Variants in WDR87 observed in about 807,000 individuals in gnomAD.
WDR87 encodes the protein WD repeat-containing protein 87.
Under a neutral mutation model 83.3 loss-of-function variants are expected in WDR87, and 56 were observed. The ratio of observed to expected loss-of-function variants is 0.67; its 90% CI spans 0.54 to 0.84. The LOEUF (loss-of-function observed/expected upper bound fraction) is 0.84. Ranked by LOEUF, WDR87 falls within the 40% of genes least tolerant of loss-of-function variation. WDR87 has a pLI of 0.00. For missense variants in WDR87, 2,939 were observed against 3,431.9 expected (o/e 0.86, Z 3.59); for synonymous variants, 1,173 against 1,250.6 (o/e 0.94, Z 1.31).
Position 37,894,856 on chromosome 19 carries a change from G to T in WDR87, c.847C>A (p.Gln283Lys). 1 of 1,551,732 alleles carries T rather than the reference G, an allele frequency of 6.4e-7. No individual in the cohort carries two copies. Among genetic ancestry groups the T allele is most frequent in the Non-Finnish European group, 8.7e-7 (1 of 1,146,988 alleles). The change falls in exon 4 of 6, where the codon CAA (glutamine) becomes AAA (lysine). Residue 283 changes from glutamine (Q) to lysine (K), a missense_variant. Physicochemically the swap from Gln to Lys is moderately conservative, Grantham distance 53 (BLOSUM62 1). This residue lies in a region of WDR87 where 553 missense variants were observed against 577.9 expected (regional missense o/e 0.96). Transcript: ENST00000447313. The stretch of plus-strand genomic sequence containing the variant: ...CTGCGGATACAGATCACTCCTGATT[G>T]ATGGGCCTGGAAACTGTGGAGTGGA... ...GHPLHSFQAH[Q>K]SGVICIRSRP...
At chr19:37,902,746 G>A (rs964905530) in intron 1 of WDR87, among the ~76,000 whole-genome samples, 3 of 152,102 alleles carry the variant, frequency 2.0e-5, no homozygotes, top group Admixed American at 6.6e-5. Flanking sequence ...AACCTCCCAC[G>A]AGCTTTGCCT....
At position 37,895,040 on chromosome 19, in the gene WDR87, A is replaced by G; in HGVS notation, c.663T>C (p.Leu221=). 6.4e-7 allele frequency: 1 copy of G among 1,551,676 alleles called. No individual in the cohort carries two copies. Among genetic ancestry groups the G allele is most frequent in the Non-Finnish European group, 8.7e-7 (1 of 1,146,984 alleles). Residue 221 remains leucine (L), a synonymous_variant, in exon 4 of 6, where the codon CTT becomes CTC. Coordinates refer to ENST00000447313, the MANE Select transcript of WDR87 (RefSeq NM_001291088.2). ...CCAGCTGGCCCTTGCCCTGGTGCATAAGGACCCTCACCACCGTCTCACACA... is the reference window on the plus strand; with the variant it reads ...CCAGCTGGCCCTTGCCCTGGTGCATGAGGACCCTCACCACCGTCTCACACA... ...LALCETVVRV[L]MHQGKGQLGE...
chr19:37,891,902 A>T, intron 4 of WDR87, 82 bp from the exon 5 acceptor site: 1 of 1,482,476 alleles, frequency 6.7e-7, no homozygotes, highest in Non-Finnish European at 9.0e-7. Flanking sequence ...GTTGTGGAAC[A>T]GGCAGGAGGC....
At chr19:37,900,637 G>A (rs2046287759) in intron 1 of WDR87, among the ~76,000 whole-genome samples, 1 of 150,466 alleles carries the variant, frequency 6.6e-6, no homozygotes, top group Non-Finnish European at 1.5e-5. Flanking sequence ...AGGTTTTGCT[G>A]GCTGATGCTC....
Position 37,892,979 on chromosome 19 carries a change from C to T in WDR87, c.2724G>A (p.Trp908Ter), listed in dbSNP as rs770985873. The change falls in exon 4 of 6, where the codon TGG becomes TGA. Residue 908 changes from tryptophan to a stop codon, truncating the protein, a stop_gained. Coordinates refer to ENST00000447313, the MANE Select transcript of WDR87 (RefSeq NM_001291088.2). LOFTEE classifies it high-confidence loss of function. Reference sequence around the variant, plus strand: ...TTATTTCACTCATCTTTCTTCCCAGCCAACTTCGGTTTGCTCCATCTGTAA... The same window carrying T: ...TTATTTCACTCATCTTTCTTCCCAGTCAACTTCGGTTTGCTCCATCTGTAA... The part of the protein sequence containing the change: ...SVLTDGANRS[W>*]LGRKMSEITI... 6.4e-5 allele frequency: 99 copies of T among 1,551,788 alleles called. No homozygotes were observed. Among genetic ancestry groups the T allele is most frequent in the Non-Finnish European group, 1.7e-5 (19 of 1,147,064 alleles).
In WDR87 at chr19:37,892,753, G is replaced by A. The variant is rs1259207475; in HGVS notation, c.2950C>T (p.Leu984=). The change falls in exon 4 of 6, where the codon CTG becomes TTG. Residue 984 remains leucine (L), a synonymous_variant. Coordinates refer to ENST00000447313, the MANE Select transcript of WDR87 (RefSeq NM_001291088.2). ...TGAGTAATCATTCCTAGACGCTTCA[G>A]CCCTTCCCAAGCTAGTTCTCGGATC... The part of the protein sequence containing the change: ...PLIRELAWEG[L]KRLGMITHLF... 13 of 1,551,634 alleles carry A rather than the reference G, an allele frequency of 8.4e-6. No homozygotes were observed. The highest frequency in any genetic ancestry group is 1.0e-5 in the Non-Finnish European group (12 of 1,147,004).
At chr19:37,905,620 T>C (rs1446324945) in intron 1 of WDR87, among the ~76,000 whole-genome samples, 1 of 151,956 alleles carries the variant, frequency 6.6e-6, no homozygotes, top group African/African-American at 2.4e-5. Flanking sequence ...TGGAGGGCAG[T>C]GGTGCAATCA....
At position 37,894,518 on chromosome 19, in the gene WDR87, T is replaced by C. The variant is rs2046236544; in HGVS notation, c.1185A>G (p.Val395=). The C allele has an allele frequency of 6.4e-7, 1 of 1,551,564 alleles. No homozygotes were observed. Among genetic ancestry groups the C allele is most frequent in the African/African-American group, 1.4e-5 (1 of 73,026 alleles). ...EDGLLRFVSP[V]TGDLLVITWP... Reference sequence around the variant, plus strand: ...AGGTGATAACCAGAAGGTCCCCTGTTACTGGGGACACAAAGCGCAACAAGC... The same window carrying C: ...AGGTGATAACCAGAAGGTCCCCTGTCACTGGGGACACAAAGCGCAACAAGC... Residue 395 remains valine, a synonymous_variant, in exon 4 of 6, where the codon GTA becomes GTG. Transcript: ENST00000447313.
chr19:37,893,772 T>G lies in WDR87; in HGVS notation c.1931A>C (p.Asp644Ala). ...GACTGGGCCAAAGTGCAGTGATGAG[T>G]CCAGAATGCCTATGAGTCTGCCATG... ...DFHGRLIGILDSSLHFGPVCF... is the reference protein window; with the variant it reads ...DFHGRLIGILASSLHFGPVCF... The change falls in exon 4 of 6, where the codon GAC becomes GCC. Residue 644 changes from aspartate (D) to alanine (A), a missense_variant. Transcript: ENST00000447313. The G allele has an allele frequency of 6.4e-7, 1 of 1,551,524 alleles. No homozygotes were observed. Among genetic ancestry groups the G allele is most frequent in the Non-Finnish European group, 8.7e-7 (1 of 1,146,988 alleles).
rs1471033351 is a variant in WDR87, at chr19:37,893,374, G to A, written c.2329C>T (p.Gln777Ter). 1 of 1,552,096 alleles carries A rather than the reference G, an allele frequency of 6.4e-7. No homozygotes were observed. The highest frequency in any genetic ancestry group is 8.7e-7 in the Non-Finnish European group (1 of 1,147,102). The change falls in exon 4 of 6, where the codon CAG (glutamine) becomes TAG (stop). Residue 777 changes from glutamine (Q) to a stop codon, truncating the protein, a stop_gained. Coordinates refer to ENST00000447313, the MANE Select transcript of WDR87 (RefSeq NM_001291088.2). LOFTEE classifies it high-confidence loss of function. The part of the protein sequence containing the change: ...YSLQDMEDWM[Q>*]VSKRYQCHYV... The stretch of plus-strand genomic sequence containing the variant: ...TGGCATTGGTAACGTTTGCTCACCT[G>A]CATCCAATCTTCCATGTCCTGCAAA...
chr19:37,890,282 G>C lies in WDR87; in HGVS notation c.3395-6C>G. On this transcript the variant is annotated splice_polypyrimidine_tract_variant and splice_region_variant and intron_variant, in intron 5 of 5. Transcript: ENST00000447313. ...ACCCCGCAACCATTTTTGGCCTGCA[G>C]TAAAAATCGAGAGATGGAGGTAAGC... The C allele has an allele frequency of 6.6e-7, 1 of 1,515,070 alleles. No homozygotes were observed. Among genetic ancestry groups the C allele is most frequent in the Non-Finnish European group, 8.9e-7 (1 of 1,127,942 alleles). 93.9% of individuals were successfully genotyped at this position (1,515,070 alleles called of 1,614,324 possible).
Position 37,890,185 on chromosome 19 carries a change from C to T in WDR87, c.3486G>A (p.Gly1162=). 1 of 1,551,792 alleles carries T rather than the reference C, an allele frequency of 6.4e-7. No homozygotes were observed. Among genetic ancestry groups the T allele is most frequent in the Non-Finnish European group, 8.7e-7 (1 of 1,147,026 alleles). The part of the protein sequence containing the change: ...TEPGLLEDES[G]TEAAPIEMEE... Reference sequence around the variant, plus strand: ...CCATCTCAATTGGTGCGGCCTCAGTCCCACTTTCATCCTCTAAGAGGCCTG... The same window carrying T: ...CCATCTCAATTGGTGCGGCCTCAGTTCCACTTTCATCCTCTAAGAGGCCTG... The change falls in exon 6 of 6, where the codon GGG becomes GGA. Residue 1162 remains glycine, a synonymous_variant. Coordinates refer to ENST00000447313, the MANE Select transcript of WDR87 (RefSeq NM_001291088.2).
Position 37,885,520 on chromosome 19 carries a change from A to G in WDR87, c.8151T>C (p.His2717=). The G allele has an allele frequency of 1.9e-6, 3 of 1,551,730 alleles. No homozygotes were observed. Among genetic ancestry groups the G allele is most frequent in the African/African-American group, 1.4e-5 (1 of 73,170 alleles). Residue 2717 remains histidine, a synonymous_variant, in exon 6 of 6, where the codon CAT becomes CAC. Transcript: ENST00000447313. ...PATRDIFPSA[H]ASVEKQTLAL... is the part of the protein sequence containing the mutation. ...CCAGGGTTTGTTTTTCCACAGAGGC[A>G]TGGGCACTTGGAAAAATGTCTCTGG... is the stretch of plus-strand genomic sequence containing the variant.
Position 37,891,714 on chromosome 19 carries a change from TC to T in WDR87, c.3231del (p.Thr1078ProfsTer13). 6.4e-7 allele frequency: 1 copy of T among 1,551,924 alleles called. No homozygotes were observed. The highest frequency in any genetic ancestry group is 2.4e-5 in the East Asian group (1 of 40,920). Reference protein sequence around the residue: ...TQVEQRLNENLTLSHRDEKPA... With the variant: ...TQVEQRLNENXTLSHRDEKPA... ...GGCTTTTCATCTCTATGTGACAGGG[TC>T]AGGTTTTCATTCAATCTCTGCTCCA... On this transcript the variant is annotated frameshift_variant, in exon 5 of 6. Transcript: ENST00000447313. LOFTEE classifies it high-confidence loss of function.
Position 37,886,533 on chromosome 19 carries a change from T to C in WDR87, c.7138A>G (p.Lys2380Glu), listed in dbSNP as rs999941214. ...CSLEEEVDRE[K>E]EILKKEKQFK... ...TGTTTTTCTTTTTTTAAGATCTCTTTTTCCCTGTCCACCTCTTCTTCCAAT... is the reference window on the plus strand; with the variant it reads ...TGTTTTTCTTTTTTTAAGATCTCTTCTTCCCTGTCCACCTCTTCTTCCAAT... Residue 2380 changes from lysine to glutamate, a missense_variant, in exon 6 of 6, where the codon AAA (lysine) becomes GAA (glutamate). Transcript: ENST00000447313. The C allele has an allele frequency of 6.7e-7, 1 of 1,502,714 alleles. No homozygotes were observed. The highest frequency in any genetic ancestry group is 2.6e-5 in the Admixed American group (1 of 38,402). 93.1% of individuals were successfully genotyped at this position (1,502,714 alleles called of 1,614,324 possible). A position where few individuals can be genotyped will look rare whatever the true frequency, so the allele number is the denominator to read the frequency against.
Position 37,892,746 on chromosome 19 carries a change from C to G in WDR87, c.2957G>C (p.Arg986Pro), listed in dbSNP as rs766532444. 4 of 1,551,756 alleles carry G rather than the reference C, an allele frequency of 2.6e-6. No individual in the cohort carries two copies. The highest frequency in any genetic ancestry group is 2.6e-6 in the Non-Finnish European group (3 of 1,147,012). Reference sequence around the variant, plus strand: ...AAAAAGATGAGTAATCATTCCTAGACGCTTCAGCCCTTCCCAAGCTAGTTC... The same window carrying G: ...AAAAAGATGAGTAATCATTCCTAGAGGCTTCAGCCCTTCCCAAGCTAGTTC... ...IRELAWEGLK[R>P]LGMITHLFAM... The change falls in exon 4 of 6, where the codon CGT becomes CCT. Residue 986 changes from arginine to proline, a missense_variant. Physicochemically the swap from Arg to Pro is moderately radical, Grantham distance 103. Transcript: ENST00000447313.
In WDR87 at chr19:37,888,872, A is replaced by G; in HGVS notation, c.4799T>C (p.Val1600Ala). 6.5e-7 allele frequency: 1 copy of G among 1,549,918 alleles called. No individual in the cohort carries two copies. Among genetic ancestry groups the G allele is most frequent in the South Asian group, 1.2e-5 (1 of 83,948 alleles). The change falls in exon 6 of 6, where the codon GTC becomes GCC. Residue 1600 changes from valine to alanine, a missense_variant. Physicochemically the swap from Val to Ala is moderately conservative, Grantham distance 64. Transcript: ENST00000447313. ...SREGEEKEQQ[V>A]TEEQRHIQEE... ...TTGGATGTGTCTCTGCTCTTCTGTG[A>G]CCTGCTGTTCTTTTTCTTCCCCCTC... is the stretch of plus-strand genomic sequence containing the variant.
chr19:37,885,679 T>C lies in WDR87; in HGVS notation c.7992A>G (p.Pro2664=). 6.4e-7 allele frequency: 1 copy of C among 1,551,800 alleles called. No individual in the cohort carries two copies. The highest frequency in any genetic ancestry group is 2.4e-5 in the East Asian group (1 of 40,924). The part of the protein sequence containing the change: ...KPLAVPTQKS[P]LATKRIPDPR... ...GGTCTGGAATCCTCTTGGTAGCTAA[T>C]GGGGACTTTTGTGTGGGGACAGCCA... Residue 2664 remains proline, a synonymous_variant, in exon 6 of 6, where the codon CCA becomes CCG. Coordinates refer to ENST00000447313, the MANE Select transcript of WDR87 (RefSeq NM_001291088.2).
chr19:37,885,621 G>A lies in WDR87; in HGVS notation c.8050C>T (p.Pro2684Ser), dbSNP rs200024701. 9.0e-6 allele frequency: 14 copies of A among 1,551,744 alleles called. No homozygotes were observed. Among genetic ancestry groups the A allele is most frequent in the African/African-American group, 6.8e-5 (5 of 73,172 alleles). Residue 2684 changes from proline to serine, a missense_variant, in exon 6 of 6, where the codon CCT (proline) becomes TCT (serine). Pro to Ser is a moderately conservative substitution (Grantham distance 74). Transcript: ENST00000447313. ...TGCTGTGCCCTCTCACTTCTGTAAGGTTCTCCTAGAAGATGCCAATTTTTA... is the reference window on the plus strand; with the variant it reads ...TGCTGTGCCCTCTCACTTCTGTAAGATTCTCCTAGAAGATGCCAATTTTTA... ...RAKNWHLLGE[P>S]YRSERAQQIS... is the part of the protein sequence containing the mutation.
Sources: gnomAD v4.1 joint callset for allele counts (sites outside exome capture counted in the v4.1 genomes callset) on GRCh38, gnomAD v4.1.1 for gene constraint, gnomAD v4.1.1 regional missense constraint, MANE v1.5 for transcripts, NCBI Gene and HGNC (gene_info 2026-07-23, HGNC 2026-07-21) for gene names.